The following INVS variants were observed in gnomAD, a reference collection of about 807,000 sequenced individuals.
INVS encodes inversin.
In INVS, 86 loss-of-function variants were observed where a neutral mutation model predicts 108.8. The observed-to-expected ratio is 0.79, with a 90% CI of 0.66 to 0.95. The LOEUF is 0.95. Ranked by LOEUF, INVS falls within the 40% of genes least tolerant of loss-of-function variation. The probability of loss-of-function intolerance (pLI) is 0.00; values close to 1 mark genes in which losing one functional copy is unlikely to be tolerated. For synonymous variants in INVS, 455 were observed against 473.5 expected (o/e 0.96, Z 0.51); for missense variants, 1,169 against 1,297.4 (o/e 0.90, Z 1.52).
At chr9:100,262,482 C>G (rs1359392280) in intron 10 of INVS, among the ~76,000 whole-genome samples, 2 of 151,564 alleles carry the variant, frequency 1.3e-5, no homozygotes, top group Non-Finnish European at 2.9e-5. Context: ...TTCAAAATGT[C>G]AAATGTATTT....
intron 2 of INVS, among the ~76,000 whole-genome samples, chr9:100,114,391 C>CTTTTTTT (rs67549379): frequency 1.5e-4 from 10 of 64,854 alleles, no homozygotes; most frequent in Non-Finnish European, 2.4e-4. Flanking sequence ...AGATTTCTTT[C>CTTTTTTT]TTTTTTTTTT....
At chr9:100,263,982 A>C (rs1032037090) in intron 10 of INVS, among the ~76,000 whole-genome samples, 2 of 152,138 alleles carry the variant, frequency 1.3e-5, no homozygotes, top group East Asian at 1.9e-4. Flanking sequence ...GGACTTGACT[A>C]TCTTCCTTTT....
chr9:100,222,033 CTATT>C (rs1253453516), intron 3 of INVS, among the ~76,000 whole-genome samples: 2 of 152,166 alleles, frequency 1.3e-5, no homozygotes, highest in Non-Finnish European at 1.5e-5. Flanking sequence ...GGGGACTACT[CTATT>C]TATAACATTC....
At chr9:100,109,125 T>C (rs1006200691) in intron 2 of INVS, among the ~76,000 whole-genome samples, 4 of 152,222 alleles carry the variant, frequency 2.6e-5, no homozygotes, top group African/African-American at 9.6e-5. Context: ...CAGTGTAGTA[T>C]TGGTAGAAAA....
At chr9:100,195,429 A>G (rs1588080299) in intron 3 of INVS, among the ~76,000 whole-genome samples, 1 of 151,804 alleles carries the variant, frequency 6.6e-6, no homozygotes, top group Non-Finnish European at 1.5e-5. Flanking sequence ...CAATACTCCC[A>G]CCTCAGCCTC....
Position 100,134,786 on chromosome 9 carries a change from G to A in INVS, c.273+8237G>A, listed in dbSNP as rs527866485. On this transcript the variant is annotated intron_variant, in intron 3 of 16. Transcript: ENST00000262457. ...TTAATAGTGCAGACAACCCAAATAC[G>A]TACCAACAGGTGAATGAGTAGCTAA... Among the ~76,000 whole-genome samples, 5 of 152,242 alleles carry A rather than the reference G, an allele frequency of 3.3e-5. No individual in the cohort carries two copies. The South Asian group carries it at 6.2e-4, about 19-fold the overall frequency.
At chr9:100,197,033 T>C (rs1830397982) in intron 3 of INVS, among the ~76,000 whole-genome samples, 1 of 152,086 alleles carries the variant, frequency 6.6e-6, no homozygotes, top group South Asian at 2.1e-4. Flanking sequence ...TCTAACACTA[T>C]CTACCCAGAG....
chr9:100,229,778 C>T lies in INVS; in HGVS notation c.566C>T (p.Ala189Val). 1 of 1,614,148 alleles carries T rather than the reference C, an allele frequency of 6.2e-7. No homozygotes were observed. Among genetic ancestry groups the T allele is most frequent in the East Asian group, 2.2e-5 (1 of 44,878 alleles). ...DVEGKIPLHW[A>V]ANHKDPSAVH... ...GAAGGCAAGATCCCACTTCACTGGG[C>T]AGCCAACCATAAAGATCCAAGTGCT... Residue 189 changes from alanine (A) to valine (V), a missense_variant, in exon 5 of 17, where the codon GCA becomes GTA. This residue lies in a region of INVS where 365 missense variants were observed against 397.5 expected (regional missense o/e 0.92). Transcript: ENST00000262457.
intron 3 of INVS, among the ~76,000 whole-genome samples, chr9:100,213,619 A>T (rs1830900724): frequency 6.6e-6 from 1 of 152,222 alleles, no homozygotes; most frequent in Non-Finnish European, 1.5e-5. Context: ...GGATGCTAAC[A>T]ATAGATACGA....
rs1212728484 is a variant in INVS at position 100,116,859 on chromosome 9, CA to C, written c.107-9522del. On this transcript the variant is annotated intron_variant, in intron 2 of 16. Transcript: ENST00000262457. ...TCCTGACAGGGAGACTTGGTAAATA[CA>C]ATCTTCCAGAGGTCGGGGGTCAGGT... 3.2e-6 allele frequency: 4 copies of C among 1,265,494 alleles called. No individual in the cohort carries two copies. The African/African-American group carries it at 5.9e-5, about 19-fold the overall frequency. The allele number at this position is 1,265,494 out of a possible 1,614,324, so 78.4% of individuals were successfully genotyped here. A position where few individuals can be genotyped will look rare whatever the true frequency, so the allele number is the denominator to read the frequency against.
At chr9:100,126,690 C>G (rs1827895029) in intron 3 of INVS, 141 bp downstream of exon 3, 17 of 826,098 alleles carry the variant, frequency 2.1e-5, no homozygotes, top group Non-Finnish European at 3.0e-5. Flanking sequence ...TAAAAGCTGT[C>G]TTTAAGCTGC....
In INVS at chr9:100,180,842, G is replaced by A. The variant is rs560998459; in HGVS notation, c.274-45220G>A. Among the ~76,000 whole-genome samples the A allele has an allele frequency of 5.9e-5, 9 of 152,040 alleles. No individual in the cohort carries two copies. In the South Asian group the frequency reaches 1.9e-3, roughly 32 times the overall value. On this transcript the variant is annotated intron_variant, in intron 3 of 16. Coordinates refer to ENST00000262457, the MANE Select transcript of INVS (RefSeq NM_014425.5). ...ACACAACAAAAAAAGAAAATTTCAGGCCAATATCCCTGATGAACATTGATG... is the reference window on the plus strand; with the variant it reads ...ACACAACAAAAAAAGAAAATTTCAGACCAATATCCCTGATGAACATTGATG...
At chr9:100,176,527 A>G (rs1829716064) in intron 3 of INVS, among the ~76,000 whole-genome samples, 1 of 152,070 alleles carries the variant, frequency 6.6e-6, no homozygotes, top group Non-Finnish European at 1.5e-5. Context: ...CCTGGGCTAG[A>G]GTGCAGTGGT....
At chr9:100,163,430 G>A (rs1179053173) in intron 3 of INVS, among the ~76,000 whole-genome samples, 1 of 152,088 alleles carries the variant, frequency 6.6e-6, no homozygotes, top group Non-Finnish European at 1.5e-5. Flanking sequence ...TATTTATTGA[G>A]CACCTACTAA....
intron 3 of INVS, among the ~76,000 whole-genome samples, chr9:100,196,982 GTT>G (rs1830395971): frequency 6.6e-6 from 1 of 152,134 alleles, no homozygotes; most frequent in Non-Finnish European, 1.5e-5. Flanking sequence ...CAAGCAGTCA[GTT>G]CTGTAGCAGA....
chr9:100,249,646 C>G (rs576052272), intron 8 of INVS, among the ~76,000 whole-genome samples: 1 of 151,990 alleles, frequency 6.6e-6, no homozygotes, highest in Non-Finnish European at 1.5e-5. Flanking sequence ...AGGTGCCCAC[C>G]ACTATGCTGG....
intron 11 of INVS, among the ~76,000 whole-genome samples, chr9:100,269,392 T>C (rs1031038147): frequency 6.6e-6 from 1 of 152,202 alleles, no homozygotes; most frequent in African/African-American, 2.4e-5. Context: ...TTCTCCTGAA[T>C]TTAAAAAATG....
intron 3 of INVS, among the ~76,000 whole-genome samples, chr9:100,144,606 A>G (rs141099968): frequency 2.0e-5 from 3 of 152,246 alleles, no homozygotes; most frequent in East Asian, 1.9e-4. Context: ...CCACTTTCCT[A>G]AGAGGAAATT....
chr9:100,281,679 G>T (rs1466269585), intron 12 of INVS, among the ~76,000 whole-genome samples: 1 of 152,048 alleles, frequency 6.6e-6, no homozygotes, highest in Non-Finnish European at 1.5e-5. Flanking sequence ...TCATTCAGAT[G>T]ATTGCATTCT....
Sources: allele counts gnomAD v4.1 joint callset (sites outside exome capture counted in the v4.1 genomes callset), GRCh38; gene constraint gnomAD v4.1.1; regional missense constraint gnomAD v4.1.1; transcripts MANE v1.5; gene names NCBI Gene and HGNC (gene_info 2026-07-23, HGNC 2026-07-21).